The following GLG1 variants were observed in gnomAD, a reference collection of about 807,000 sequenced individuals.
The protein encoded by GLG1 is Golgi apparatus protein 1.
In GLG1, 38 loss-of-function variants were observed where a neutral mutation model predicts 160.5. That is an observed-to-expected ratio of 0.24 (90% CI 0.18 to 0.31). The LOEUF is 0.31. Among genes scored for constraint, GLG1 ranks in the 10% least tolerant of loss-of-function variants. The pLI is 1.00. For synonymous variants in GLG1, 644 were observed against 543.4 expected (o/e 1.19, Z -2.57); for missense variants, 1,373 against 1,505.2 (o/e 0.91, Z 1.45).
intron 6 of GLG1, among the ~76,000 whole-genome samples, chr16:74,493,908 T>C (rs566244586): frequency 2.6e-5 from 4 of 152,116 alleles, no homozygotes; most frequent in African/African-American, 9.7e-5. Context: ...TTATATAAAA[T>C]CACACTGAGG....
chr16:74,523,969 T>G (rs1276102444), intron 2 of GLG1, among the ~76,000 whole-genome samples: 2 of 152,126 alleles, frequency 1.3e-5, no homozygotes, highest in Non-Finnish European at 2.9e-5. Context: ...TCCCAGCACT[T>G]TGGGAGGCTG....
At chr16:74,476,768 A>G (rs976562395) in intron 12 of GLG1, among the ~76,000 whole-genome samples, 2 of 152,194 alleles carry the variant, frequency 1.3e-5, no homozygotes, top group South Asian at 2.1e-4. Context: ...TGGAGAGGCT[A>G]TATAATGAAC....
At position 74,523,388 on chromosome 16, in the gene GLG1, A is replaced by G. The variant is rs564850125; in HGVS notation, c.471+8733T>C. On this transcript the variant is annotated intron_variant, in intron 2 of 25. Transcript: ENST00000422840. ...CGGTAACTCTTCCACCAGGTAGTAC[A>G]GTCTCTCTGCTTGGTTCTTCAAGAT... Among the ~76,000 whole-genome samples, 7 of 152,246 alleles carry G rather than the reference A, an allele frequency of 4.6e-5. No homozygotes were observed. The South Asian group carries it at 1.5e-3, about 32-fold the overall frequency.
intron 16 of GLG1, 121 bp downstream of exon 16, chr16:74,469,864 C>A: frequency 2.8e-6 from 2 of 704,112 alleles, no homozygotes; most frequent in South Asian, 1.6e-5. Context: ...AGGAGAGATG[C>A]GGGAGGCCTC....
In GLG1 at chr16:74,459,787, G is replaced by GATCT. The variant is rs1281557040; in HGVS notation, c.3037-2_3038dup (p.Ser1014AspfsTer7). On this transcript the variant is annotated frameshift_variant and splice_region_variant, in exon 23 of 26. Coordinates refer to ENST00000422840, the MANE Select transcript of GLG1 (RefSeq NM_001145667.2). LOFTEE classifies it high-confidence loss of function. ...CTGCTTCTTCAGCACATAGACTGGAGATCTGTTCAGGAGACACAAAAAACA... is the reference window on the plus strand; with the variant it reads ...CTGCTTCTTCAGCACATAGACTGGAGATCTATCTGTTCAGGAGACACAAAAAACA... The GATCT allele has an allele frequency of 6.4e-7, 1 of 1,564,172 alleles. No homozygotes were observed. The highest frequency in any genetic ancestry group is 8.8e-7 in the Non-Finnish European group (1 of 1,139,168).
At chr16:74,495,995 T>A (rs756451470) in intron 5 of GLG1, among the ~76,000 whole-genome samples, 12 of 152,156 alleles carry the variant, frequency 7.9e-5, no homozygotes, top group Non-Finnish European at 1.6e-4. Flanking sequence ...TAAGTCACAG[T>A]GGCTCGTGCC....
In GLG1 at chr16:74,480,338, G is replaced by A; in HGVS notation, c.1730C>T (p.Thr577Ile). The part of the protein sequence containing the change: ...CQGDASRLCH[T>I]HGWNETSEFM... ...TTCACTGGTCTCATTCCAACCGTGG[G>A]TGTGGCAAAGACGAGAAGCGTCTCC... The change falls in exon 11 of 26, where the codon ACC becomes ATC. Residue 577 changes from threonine (T) to isoleucine (I), a missense_variant. Thr to Ile is a moderately conservative substitution (Grantham distance 89). Around this residue, in one of 4 missense-constraint regions of GLG1, gnomAD observed 386 missense variants for 388.5 expected, o/e 0.99. Coordinates refer to ENST00000422840, the MANE Select transcript of GLG1 (RefSeq NM_001145667.2). 1 of 1,613,234 alleles carries A rather than the reference G, an allele frequency of 6.2e-7. No homozygotes were observed. The highest frequency in any genetic ancestry group is 8.5e-7 in the Non-Finnish European group (1 of 1,179,122).
chr16:74,506,883 G>C (rs925005752), intron 3 of GLG1, among the ~76,000 whole-genome samples: 4 of 152,154 alleles, frequency 2.6e-5, no homozygotes, highest in African/African-American at 9.7e-5. Context: ...AAGAATAGGA[G>C]TAAACTCTGA....
In GLG1 at chr16:74,494,778, T is replaced by C. The variant is rs763586895; in HGVS notation, c.1032A>G (p.Glu344=). ...TACTTACCTTTTCACTCATGGATTC[T>C]TCAAATTTATGGTTAAAGAGGCACT... The part of the protein sequence containing the change: ...VYKCLFNHKF[E]ESMSEKCREA... Residue 344 remains glutamate, a synonymous_variant, in exon 6 of 26, where the codon GAA becomes GAG. Coordinates refer to ENST00000422840, the MANE Select transcript of GLG1 (RefSeq NM_001145667.2). The C allele has an allele frequency of 3.4e-6, 5 of 1,458,406 alleles. No homozygotes were observed. The South Asian group carries it at 4.5e-5, about 13-fold the overall frequency. The allele number at this position is 1,458,406 out of a possible 1,614,324, so 90.3% of individuals were successfully genotyped here.
In GLG1 at chr16:74,543,294, T is replaced by A. The variant is rs28577067; in HGVS notation, c.439-11141A>T. ...GACCAGGGCTAAATTGGGAAAAAAA[T>A]TTAATATATTTTAAAAACAGAATCA... On this transcript the variant is annotated intron_variant, in intron 1 of 25. Coordinates refer to ENST00000422840, the MANE Select transcript of GLG1 (RefSeq NM_001145667.2). 7.3e-3 allele frequency among the ~76,000 whole-genome samples: 1,109 copies of A among 152,184 alleles called. 8 individuals carry two copies. Among genetic ancestry groups the A allele is most frequent in the African/African-American group, 0.025 (1,035 of 41,514 alleles).
rs1958433742 is a variant in GLG1 at position 74,601,314 on chromosome 16, G to A, written c.438+5343C>T. Among the ~76,000 whole-genome samples the A allele has an allele frequency of 2.0e-5, 3 of 152,008 alleles. No individual in the cohort carries two copies. The South Asian group carries it at 6.2e-4, about 32-fold the overall frequency. On this transcript the variant is annotated intron_variant, in intron 1 of 25. Transcript: ENST00000422840. The stretch of plus-strand genomic sequence containing the variant: ...CGTACTGTAGGGGCAGGGTGTGGTG[G>A]CTCCGCCTGTAACCTCAGCATCCGG...
chr16:74,556,321 C>A (rs986733076), intron 1 of GLG1, among the ~76,000 whole-genome samples: 3 of 152,098 alleles, frequency 2.0e-5, no homozygotes, highest in African/African-American at 7.2e-5. Context: ...TACCATTTTA[C>A]AATAAATCAT....
intron 2 of GLG1, among the ~76,000 whole-genome samples, chr16:74,519,139 G>A (rs1436141997): frequency 6.6e-6 from 1 of 152,166 alleles, no homozygotes; most frequent in Non-Finnish European, 1.5e-5. Flanking sequence ...TATACACTGT[G>A]GAATACTATG....
intron 1 of GLG1, among the ~76,000 whole-genome samples, chr16:74,562,608 C>T (rs1254457936): frequency 5.3e-5 from 8 of 152,124 alleles, no homozygotes; most frequent in African/African-American, 1.4e-4. Context: ...TACAGGCATG[C>T]GCCACCACAC....
chr16:74,532,075 G>C, intron 2 of GLG1, 46 bp downstream of exon 2: 1 of 846,052 alleles, frequency 1.2e-6, no homozygotes, highest in Non-Finnish European at 1.8e-6. Flanking sequence ...ATCTGTCATC[G>C]TATCTATAAA....
Position 74,468,941 on chromosome 16 carries a change from A to G in GLG1, c.2436+5T>C, listed in dbSNP as rs747609646. On this transcript the variant is annotated splice_donor_5th_base_variant and intron_variant, in intron 17 of 25. Transcript: ENST00000422840. ...TTTCTGGGAGCAGAGGCTGGGAGGC[A>G]TTACCATCTCCAGCTCCTCCACACG... The G allele has an allele frequency of 1.9e-6, 3 of 1,543,312 alleles. No individual in the cohort carries two copies. Among genetic ancestry groups the G allele is most frequent in the Middle Eastern group, 1.7e-4 (1 of 5,966 alleles).
intron 15 of GLG1, 139 bp downstream of exon 15, chr16:74,471,034 G>T: frequency 1.5e-6 from 1 of 688,226 alleles, no homozygotes. Flanking sequence ...TGGGATTACA[G>T]GTGTGAGCCA....
chr16:74,462,460 C>T (rs770596329), intron 21 of GLG1, 28 bp downstream of exon 21: 2 of 1,597,704 alleles, frequency 1.3e-6, no homozygotes, highest in Admixed American at 1.7e-5. Flanking sequence ...CATAAATACA[C>T]CTTTGTGGAG....
intron 2 of GLG1, among the ~76,000 whole-genome samples, chr16:74,525,542 G>A (rs936230163): frequency 4.0e-5 from 6 of 150,070 alleles, no homozygotes; most frequent in African/African-American, 9.8e-5. Context: ...ACTATCCTCC[G>A]GTATTAACTT....
Sources: gnomAD v4.1 joint callset for allele counts (sites outside exome capture counted in the v4.1 genomes callset) on GRCh38, gnomAD v4.1.1 for gene constraint, gnomAD v4.1.1 regional missense constraint, MANE v1.5 for transcripts, NCBI Gene and HGNC (gene_info 2026-07-23, HGNC 2026-07-21) for gene names.